COG3: variants seen among roughly 807,000 people sequenced by gnomAD.
The protein encoded by COG3 is conserved oligomeric Golgi complex subunit 3.
COG3 carries 32 observed loss-of-function variants against 114.1 expected under a neutral mutation model. The ratio of observed to expected loss-of-function variants is 0.28; its 90% CI spans 0.21 to 0.38. COG3 has a LOEUF of 0.38. Ranked by LOEUF, COG3 falls within the 10% of genes least tolerant of loss-of-function variation. COG3 has a pLI of 1.00. For synonymous variants in COG3, 352 were observed against 365.7 expected, an observed-to-expected ratio of 0.96 and a Z score of 0.43; for missense variants, 813 against 973.2, an observed-to-expected ratio of 0.84 and a Z score of 2.19.
chr13:45,535,608 C>T lies in COG3; in HGVS notation c.*877C>T. On this transcript the variant is annotated 3_prime_UTR_variant, in exon 23 of 23. Coordinates refer to ENST00000349995, the MANE Select transcript of COG3 (RefSeq NM_031431.4). ...TTCTGTACACTGCCTTTGGTTTTAG[C>T]AGTTCTTTGAAAAGCAAACACTTTC... 1.0e-6 allele frequency: 1 copy of T among 985,632 alleles called. No individual in the cohort carries two copies. The highest frequency in any genetic ancestry group is 4.7e-5 in the South Asian group (1 of 21,292). 61.1% of individuals were successfully genotyped at this position (985,632 alleles called of 1,614,324 possible).
chr13:45,512,768 A>G (rs1027720606), intron 16 of COG3, among the ~76,000 whole-genome samples: 5 of 151,652 alleles, frequency 3.3e-5, no homozygotes, highest in Non-Finnish European at 7.4e-5. Flanking sequence ...ACAGGACTAC[A>G]GGTACCTGGC....
intron 2 of COG3, 138 bp from the exon 3 acceptor site, chr13:45,478,867 C>A: frequency 1.5e-6 from 1 of 658,612 alleles, no homozygotes; most frequent in Non-Finnish European, 2.7e-6. Context: ...TTTCTCCTGG[C>A]CTAAAACTGA....
At chr13:45,511,546 T>G (rs1566264643) in intron 15 of COG3, among the ~76,000 whole-genome samples, 1 of 152,230 alleles carries the variant, frequency 6.6e-6, no homozygotes, top group Non-Finnish European at 1.5e-5. Context: ...TATTGAATGG[T>G]CACATGAATG....
chr13:45,533,565 A>G (rs1002286133), intron 22 of COG3, among the ~76,000 whole-genome samples: 1 of 152,184 alleles, frequency 6.6e-6, no homozygotes, highest in African/African-American at 2.4e-5. Context: ...ACTCCTGTAT[A>G]GTTACCAAAA....
In COG3 at chr13:45,519,013, T is replaced by A; in HGVS notation, c.2073T>A (p.Arg691=). The A allele has an allele frequency of 6.2e-7, 1 of 1,614,174 alleles. No individual in the cohort carries two copies. Among genetic ancestry groups the A allele is most frequent in the Non-Finnish European group, 8.5e-7 (1 of 1,180,008 alleles). Residue 691 remains arginine (R), a synonymous_variant, in exon 19 of 23, where the codon CGT becomes CGA. Transcript: ENST00000349995. The stretch of plus-strand genomic sequence containing the variant: ...TTGACTCTAAAAAAGACGTAGACCG[T>A]CATCTGAAATCGGCCTGTGAGCAGT... The part of the protein sequence containing the change: ...HYLDSKKDVD[R]HLKSACEQFI...
chr13:45,527,422 C>T (rs569184784), intron 20 of COG3, among the ~76,000 whole-genome samples: 3 of 152,286 alleles, frequency 2.0e-5, no homozygotes, highest in African/African-American at 7.2e-5. Context: ...TTAGGCATAG[C>T]AGAGGTGTGG....
chr13:45,524,264 T>G (rs183539532), intron 19 of COG3, among the ~76,000 whole-genome samples: 8 of 152,244 alleles, frequency 5.3e-5, no homozygotes, highest in Non-Finnish European at 1.0e-4. Flanking sequence ...TTAAAACACG[T>G]TTTATGCAGT....
chr13:45,519,050 C>T lies in COG3; in HGVS notation c.2110C>T (p.Gln704Ter). The change falls in exon 19 of 23, where the codon CAG becomes TAG. Residue 704 changes from glutamine (Q) to a stop codon, truncating the protein, a stop_gained. Transcript: ENST00000349995. LOFTEE classifies it high-confidence loss of function. ...GGCCTGTGAGCAGTTTATTCAGCAGCAGACCAAGCTGTTTGTAGAACAGCT... is the reference window on the plus strand; with the variant it reads ...GGCCTGTGAGCAGTTTATTCAGCAGTAGACCAAGCTGTTTGTAGAACAGCT... Reference protein sequence around the residue: ...KSACEQFIQQQTKLFVEQLEE... With the variant: ...KSACEQFIQQ 6.2e-7 allele frequency: 1 copy of T among 1,614,166 alleles called. No individual in the cohort carries two copies. The highest frequency in any genetic ancestry group is 8.5e-7 in the Non-Finnish European group (1 of 1,180,016).
chr13:45,506,661 T>C (rs1870185886), intron 14 of COG3, among the ~76,000 whole-genome samples: 1 of 152,168 alleles, frequency 6.6e-6, no homozygotes, highest in Non-Finnish European at 1.5e-5. Context: ...ATCAGTGTTA[T>C]CACAATGGCG....
Position 45,535,456 on chromosome 13 carries a change from C to T in COG3, c.*725C>T. The T allele has an allele frequency of 1.0e-6, 1 of 985,414 alleles. No homozygotes were observed. Among genetic ancestry groups the T allele is most frequent in the Non-Finnish European group, 1.2e-6 (1 of 829,946 alleles). The allele number at this position is 985,414 out of a possible 1,614,324, so 61.0% of individuals were successfully genotyped here. Reference sequence around the variant, plus strand: ...GTGCAGTATCTTTAATGAGTATCTTCATGGTATGATAGTGTGTGTTTGTGA... The same window carrying T: ...GTGCAGTATCTTTAATGAGTATCTTTATGGTATGATAGTGTGTGTTTGTGA... On this transcript the variant is annotated 3_prime_UTR_variant, in exon 23 of 23. Transcript: ENST00000349995.
At chr13:45,510,259 A>C (rs1870715742) in intron 15 of COG3, among the ~76,000 whole-genome samples, 1 of 152,154 alleles carries the variant, frequency 6.6e-6, no homozygotes, top group African/African-American at 2.4e-5. Context: ...GGTCAGTAGA[A>C]TGTACACTAC....
intron 7 of COG3, among the ~76,000 whole-genome samples, chr13:45,485,156 C>T (rs1337265988): frequency 2.0e-5 from 3 of 147,668 alleles, no homozygotes; most frequent in Non-Finnish European, 4.5e-5. Context: ...AGAGGGGCTC[C>T]TCACTTCCCA....
In COG3 at chr13:45,472,994, C is replaced by T. The variant is rs570890622; in HGVS notation, c.175-3207C>T. Among the ~76,000 whole-genome samples the T allele has an allele frequency of 3.6e-4, 55 of 152,236 alleles. No homozygotes were observed. In the South Asian group the frequency reaches 0.011, roughly 30 times the overall value. On this transcript the variant is annotated intron_variant, in intron 1 of 22. Transcript: ENST00000349995. The stretch of plus-strand genomic sequence containing the variant: ...ATGCCATTCTCCTGCCTCAGCCTCC[C>T]GAGTAGCTGGGACTACAGGCGCCCG...
At chr13:45,530,631 T>A (rs1235220202) in intron 21 of COG3, 51 bp from the exon 22 acceptor site, 1 of 1,080,422 alleles carries the variant, frequency 9.3e-7, no homozygotes. Flanking sequence ...TTCATGGTGC[T>A]TCGTGTTTAA....
At chr13:45,516,972 GA>G (rs1175955432) in intron 17 of COG3, among the ~76,000 whole-genome samples, 1 of 152,102 alleles carries the variant, frequency 6.6e-6, no homozygotes, top group Non-Finnish European at 1.5e-5. Context: ...TGAGAAAGAT[GA>G]TTCATCCATC....
intron 19 of COG3, among the ~76,000 whole-genome samples, chr13:45,521,545 A>G (rs1476194435): frequency 6.6e-6 from 1 of 151,318 alleles, no homozygotes; most frequent in African/African-American, 2.4e-5. Flanking sequence ...ATCCTGTGGC[A>G]TAGAGTGAGT....
At chr13:45,502,406 C>T (rs994369992) in intron 13 of COG3, among the ~76,000 whole-genome samples, 12 of 152,102 alleles carry the variant, frequency 7.9e-5, no homozygotes, top group Non-Finnish European at 1.8e-4. Context: ...CCTGGATGCT[C>T]CCTTGTGTAG....
At chr13:45,517,877 T>C (rs188479350) in intron 17 of COG3, among the ~76,000 whole-genome samples, 18 of 152,326 alleles carry the variant, frequency 1.2e-4, no homozygotes, top group African/African-American at 4.3e-4. Flanking sequence ...ATCTTGAGAT[T>C]GTGGCAAAAT....
At chr13:45,497,110 C>G (rs1425099610) in intron 13 of COG3, among the ~76,000 whole-genome samples, 1 of 152,174 alleles carries the variant, frequency 6.6e-6, no homozygotes, top group Non-Finnish European at 1.5e-5. Flanking sequence ...AATGTAGAAG[C>G]CACCAGGTTG....
Sources: gnomAD v4.1 joint callset for allele counts (sites outside exome capture counted in the v4.1 genomes callset) on GRCh38, gnomAD v4.1.1 for gene constraint, MANE v1.5 for transcripts, NCBI Gene and HGNC (gene_info 2026-07-23, HGNC 2026-07-21) for gene names.